The following PP2D1 variants were observed in gnomAD, a reference collection of about 807,000 sequenced individuals.
PP2D1 encodes the protein protein phosphatase 2C like domain containing 1.
A neutral mutation model predicts 30.2 loss-of-function variants in PP2D1; 25 were observed. The observed-to-expected ratio is 0.83, with a 90% CI of 0.60 to 1.16. PP2D1 has a LOEUF of 1.16. Among genes scored for constraint, PP2D1 ranks in the 50% most tolerant of loss-of-function variants. The pLI is 0.00. For missense variants in PP2D1, 760 were observed against 742.4 expected, an observed-to-expected ratio of 1.02 and a Z score of -0.28; for synonymous variants, 260 against 258.9, an observed-to-expected ratio of 1.00 and a Z score of -0.04.
chr3:19,999,412 C>G (rs1697224708), intron 2 of PP2D1, among the ~76,000 whole-genome samples: 1 of 150,922 alleles, frequency 6.6e-6, no homozygotes, highest in South Asian at 2.1e-4. Flanking sequence ...GACGGAGTCT[C>G]TCTTTGTTGC....
At chr3:19,994,041 C>CT (rs201346439) in intron 2 of PP2D1, among the ~76,000 whole-genome samples, 1 of 127,424 alleles carries the variant, frequency 7.8e-6, no homozygotes, top group African/African-American at 2.7e-5. Flanking sequence ...CCAATTCTGT[C>CT]TTAAAAAAAA....
At chr3:19,980,820 A>C (rs1020367879), downstream of PP2D1, among the ~76,000 whole-genome samples, 2 of 152,204 alleles carry the variant, frequency 1.3e-5, no homozygotes, top group African/African-American at 4.8e-5. Flanking sequence ...AAGTGGCCCA[A>C]TTGAAGGCTT....
chr3:20,005,427 C>A (rs144205187), intron 1 of PP2D1, among the ~76,000 whole-genome samples: 1 of 152,250 alleles, frequency 6.6e-6, no homozygotes, highest in Admixed American at 6.5e-5. Flanking sequence ...GCTGGGATTA[C>A]AGGCATTAGC....
At chr3:19,988,447 G>T (rs1288172293) in intron 2 of PP2D1, among the ~76,000 whole-genome samples, 1 of 152,132 alleles carries the variant, frequency 6.6e-6, no homozygotes, top group Non-Finnish European at 1.5e-5. Flanking sequence ...TAGACCTGTT[G>T]TCTGCTCTCA....
At chr3:19,996,871 C>A (rs1697186399) in intron 2 of PP2D1, 1 of 151,394 alleles carries the variant, frequency 6.6e-6, no homozygotes, top group East Asian at 1.9e-4. Context: ...TAATTGAAAA[C>A]TTTTCCCCAT....
chr3:20,006,687 C>T (rs1315313274), intron 1 of PP2D1, among the ~76,000 whole-genome samples: 1 of 152,076 alleles, frequency 6.6e-6, no homozygotes, highest in Non-Finnish European at 1.5e-5. Flanking sequence ...GTCTTGAACT[C>T]CTGGCCTCAT....
chr3:20,010,751 A>G (rs954754369), intron 1 of PP2D1, among the ~76,000 whole-genome samples: 3 of 152,088 alleles, frequency 2.0e-5, no homozygotes, highest in Non-Finnish European at 4.4e-5. Context: ...GCGGTGAGCC[A>G]AGATCATGCC....
chr3:19,985,691 T>C lies in PP2D1; in HGVS notation c.1582A>G (p.Thr528Ala). The change falls in exon 3 of 3, where the codon ACA becomes GCA. Residue 528 changes from threonine (T) to alanine (A), a missense_variant. By Grantham distance (58) the Thr-to-Ala change is moderately conservative (BLOSUM62 0). Transcript: ENST00000389050. ...TCGGATAAATTTTCTTTGGAATTTG[T>C]AGTTGACACACGTACTTCAGATACA... ...KSVSEVRVSTTNSKENLSDSN... is the reference protein window; with the variant it reads ...KSVSEVRVSTANSKENLSDSN... The C allele has an allele frequency of 6.5e-7, 1 of 1,535,874 alleles. No individual in the cohort carries two copies. Among genetic ancestry groups the C allele is most frequent in the Non-Finnish European group, 8.7e-7 (1 of 1,146,628 alleles).
At chr3:20,004,273 G>C (rs1697290756) in intron 1 of PP2D1, among the ~76,000 whole-genome samples, 1 of 152,192 alleles carries the variant, frequency 6.6e-6, no homozygotes, top group Admixed American at 6.5e-5. Context: ...TGTAGCCCAG[G>C]AGCAATAGGC....
chr3:20,006,913 AT>A (rs1382634562), intron 1 of PP2D1, among the ~76,000 whole-genome samples: 4 of 151,622 alleles, frequency 2.6e-5, no homozygotes, highest in Non-Finnish European at 1.5e-5. Flanking sequence ...AGTAGCTGGG[AT>A]TACAGATGCC....
chr3:20,002,301 A>G (rs55797296), intron 1 of PP2D1, among the ~76,000 whole-genome samples: 23,830 of 152,220 alleles, frequency 0.16, 2,450 homozygotes, highest in Non-Finnish European at 0.23. Flanking sequence ...TAAATTAGGC[A>G]AAAATTCCAA....
chr3:19,985,996 A>G lies in PP2D1; in HGVS notation c.1277T>C (p.Leu426Pro). 6.5e-7 allele frequency: 1 copy of G among 1,536,136 alleles called. No homozygotes were observed. ...TTRGLGFHGN[L>P]KLKKSIIPAP... ...TGGGATAATGGATTTTTTCAGCTTGAGATTTCCATGAAATCCAAGTCCTCG... is the reference window on the plus strand; with the variant it reads ...TGGGATAATGGATTTTTTCAGCTTGGGATTTCCATGAAATCCAAGTCCTCG... Residue 426 changes from leucine to proline, a missense_variant, in exon 3 of 3, where the codon CTC becomes CCC. Physicochemically the swap from Leu to Pro is moderately conservative, Grantham distance 98. Around this residue, in one of 3 missense-constraint regions of PP2D1, gnomAD observed 369 missense variants for 316.2 expected, o/e 1.17. Coordinates refer to ENST00000389050, the MANE Select transcript of PP2D1 (RefSeq NM_001252657.2).
chr3:19,988,099 T>A (rs909541459), intron 2 of PP2D1, among the ~76,000 whole-genome samples: 1 of 152,152 alleles, frequency 6.6e-6, no homozygotes, highest in Non-Finnish European at 1.5e-5. Context: ...CCATGTGTGT[T>A]TAAACAATAT....
intron 2 of PP2D1, among the ~76,000 whole-genome samples, 184 bp from the exon 3 acceptor site, chr3:19,986,366 A>T (rs760163605): frequency 6.6e-6 from 1 of 152,228 alleles, no homozygotes; most frequent in Non-Finnish European, 1.5e-5. Context: ...ACAGATTTCA[A>T]ACAGGTCAAT....
Position 20,001,850 on chromosome 3 carries a change from C to A in PP2D1, c.270G>T (p.Thr90=), listed in dbSNP as rs1194763452. 6.5e-7 allele frequency: 1 copy of A among 1,535,318 alleles called. No homozygotes were observed. Among genetic ancestry groups the A allele is most frequent in the Non-Finnish European group, 8.7e-7 (1 of 1,146,640 alleles). Residue 90 remains threonine (T), a synonymous_variant, in exon 2 of 3, where the codon ACG becomes ACT. Transcript: ENST00000389050. ...LHKKQHVALA[T]LGFQWMGRKK... is the part of the protein sequence containing the mutation. ...TTCTACCCATCCATTGGAAACCCAGCGTGGCCAGAGCTACATGTTGCTTCT... is the reference window on the plus strand; with the variant it reads ...TTCTACCCATCCATTGGAAACCCAGAGTGGCCAGAGCTACATGTTGCTTCT...
chr3:20,003,405 G>T (rs928757235), intron 1 of PP2D1, among the ~76,000 whole-genome samples: 1 of 151,362 alleles, frequency 6.6e-6, no homozygotes, highest in Non-Finnish European at 1.5e-5. Flanking sequence ...TAAAAAAAAG[G>T]TTAAAAAGTT....
At chr3:19,988,547 G>A (rs377675719) in intron 2 of PP2D1, among the ~76,000 whole-genome samples, 2 of 152,110 alleles carry the variant, frequency 1.3e-5, no homozygotes, top group Admixed American at 6.6e-5. Flanking sequence ...CTGTGATCTC[G>A]TTCTGCCCCC....
chr3:20,006,840 G>C (rs1256092235), intron 1 of PP2D1, among the ~76,000 whole-genome samples: 2 of 151,900 alleles, frequency 1.3e-5, no homozygotes, highest in East Asian at 3.9e-4. Flanking sequence ...GCAGTTGTGT[G>C]ATCTGGGCTC....
At chr3:19,981,761 C>T (rs1420429556), downstream of PP2D1, among the ~76,000 whole-genome samples, 1 of 152,010 alleles carries the variant, frequency 6.6e-6, no homozygotes, top group African/African-American at 2.4e-5. Flanking sequence ...CAGCCACTAG[C>T]TGTATAGAGC....
Sources: gnomAD v4.1 joint callset for allele counts (sites outside exome capture counted in the v4.1 genomes callset) on GRCh38, gnomAD v4.1.1 for gene constraint, gnomAD v4.1.1 regional missense constraint, MANE v1.5 for transcripts, NCBI Gene and HGNC (gene_info 2026-07-23, HGNC 2026-07-21) for gene names.